RAD51B: variants seen among roughly 807,000 people sequenced by gnomAD.
RAD51B encodes RAD51 paralog B, also known as DNA repair protein RAD51 homolog 2.
Under a neutral mutation model 42.2 loss-of-function variants are expected in RAD51B, and 38 were observed. The observed-to-expected ratio is 0.90, with a 90% CI of 0.70 to 1.18. The LOEUF (loss-of-function observed/expected upper bound fraction) is 1.18. Among genes scored for constraint, RAD51B ranks in the 50% most tolerant of loss-of-function variants. RAD51B has a pLI of 0.00. For synonymous variants in RAD51B, 154 were observed against 145.2 expected, an observed-to-expected ratio of 1.06 and a Z score of -0.43; for missense variants, 373 against 400.7, an observed-to-expected ratio of 0.93 and a Z score of 0.59.
chr14:68,465,947 A>AT (rs199499644), intron 9 of RAD51B, among the ~76,000 whole-genome samples: 3,044 of 58,714 alleles, frequency 0.052, 43 homozygotes, highest in African/African-American at 0.094. Flanking sequence ...TCTCAAAAAA[A>AT]AAAAAAATAA....
chr14:67,852,372 C>T (rs1269017714), intron 4 of RAD51B, among the ~76,000 whole-genome samples: 2 of 152,196 alleles, frequency 1.3e-5, no homozygotes, highest in African/African-American at 4.8e-5. Flanking sequence ...CTCGGGGATC[C>T]AAGGTTGGTG....
At chr14:68,485,545 A>AG (rs1883557830) in intron 10 of RAD51B, among the ~76,000 whole-genome samples, 3 of 152,216 alleles carry the variant, frequency 2.0e-5, no homozygotes, top group South Asian at 4.2e-4. Flanking sequence ...TCAAAAAAAA[A>AG]CAGACATCAG....
At chr14:67,870,352 A>G (rs1183827694) in intron 5 of RAD51B, among the ~76,000 whole-genome samples, 1 of 152,038 alleles carries the variant, frequency 6.6e-6, no homozygotes, top group East Asian at 1.9e-4. Flanking sequence ...CCGTTACATA[A>G]TGGTAAAGGG....
At chr14:68,257,609 A>C (rs555547293) in intron 7 of RAD51B, among the ~76,000 whole-genome samples, 1 of 152,176 alleles carries the variant, frequency 6.6e-6, no homozygotes, top group Non-Finnish European at 1.5e-5. Context: ...AAATGTGTAT[A>C]TATGGAGCAA....
intron 9 of RAD51B, chr14:68,422,345 G>A (rs375817634): frequency 2.3e-5 from 11 of 468,128 alleles, no homozygotes; most frequent in African/African-American, 1.4e-4. Context: ...GGTGGATCAC[G>A]AGGTCAGGAG....
rs183386773 is a variant in RAD51B at position 68,040,647 on chromosome 14, C to G, written c.756+153443C>G. On this transcript the variant is annotated intron_variant, in intron 7 of 10. Transcript: ENST00000471583. Reference sequence around the variant, plus strand: ...ATCAATGTGATAAGCGTTGCTCTCTCTATTCAGTAAATGAAGACACCAAAA... The same window carrying G: ...ATCAATGTGATAAGCGTTGCTCTCTGTATTCAGTAAATGAAGACACCAAAA... Among the ~76,000 whole-genome samples, 402 of 152,324 alleles carry G rather than the reference C, an allele frequency of 2.6e-3. 1 individual carries two copies. Among genetic ancestry groups the G allele is most frequent in the Non-Finnish European group, 4.5e-3 (307 of 68,032 alleles).
intron 10 of RAD51B, among the ~76,000 whole-genome samples, chr14:68,589,311 C>T (rs138880590): frequency 1.1e-4 from 17 of 152,324 alleles, no homozygotes; most frequent in African/African-American, 2.4e-4. Context: ...AAACAGTGAG[C>T]ATAGCCACCC....
intron 10 of RAD51B, among the ~76,000 whole-genome samples, chr14:68,609,028 T>C (rs1377481083): frequency 2.6e-5 from 4 of 152,162 alleles, no homozygotes; most frequent in African/African-American, 9.7e-5. Context: ...GCTGCTGATG[T>C]CCACTCTCTG....
intron 10 of RAD51B, 107 bp downstream of exon 10, chr14:68,468,357 C>A: frequency 8.1e-7 from 1 of 1,229,014 alleles, no homozygotes; most frequent in South Asian, 1.2e-5. Flanking sequence ...CAGACAGAAT[C>A]AAAAACCAAG....
chr14:68,018,863 T>C (rs1447857829), intron 7 of RAD51B, among the ~76,000 whole-genome samples: 1 of 152,124 alleles, frequency 6.6e-6, no homozygotes, highest in Non-Finnish European at 1.5e-5. Flanking sequence ...TAAGCCTAAG[T>C]TCAAAGTCTG....
chr14:68,577,064 C>G (rs956455470), intron 10 of RAD51B, among the ~76,000 whole-genome samples: 3 of 152,152 alleles, frequency 2.0e-5, no homozygotes, highest in South Asian at 2.1e-4. Flanking sequence ...CTTGGATGAA[C>G]AGAAGGTGCT....
intron 4 of RAD51B, among the ~76,000 whole-genome samples, chr14:67,853,661 G>T (rs1256565579): frequency 3.9e-5 from 6 of 152,182 alleles, no homozygotes; most frequent in Non-Finnish European, 4.4e-5. Flanking sequence ...TCTGGTGGGT[G>T]GGTGGGGTAA....
chr14:68,252,772 G>A (rs901337359), intron 7 of RAD51B, among the ~76,000 whole-genome samples: 2 of 152,068 alleles, frequency 1.3e-5, no homozygotes, highest in Admixed American at 1.3e-4. Flanking sequence ...AATGTTATAT[G>A]TTCTTTTTTT....
intron 7 of RAD51B, among the ~76,000 whole-genome samples, chr14:67,902,152 C>G (rs576138201): frequency 6.6e-6 from 1 of 152,026 alleles, no homozygotes; most frequent in Non-Finnish European, 1.5e-5. Context: ...GCCTCAGTAT[C>G]CCTATCTGTA....
chr14:67,965,388 A>T (rs2074751346), intron 7 of RAD51B, among the ~76,000 whole-genome samples: 1 of 128,124 alleles, frequency 7.8e-6, no homozygotes, highest in Non-Finnish European at 1.5e-5. Flanking sequence ...TTCATCTTCC[A>T]TTTCAGTTCT....
chr14:68,060,217 A>G (rs2076546193), intron 7 of RAD51B, among the ~76,000 whole-genome samples: 1 of 152,232 alleles, frequency 6.6e-6, no homozygotes, highest in South Asian at 2.1e-4. Flanking sequence ...ATGTATGCAC[A>G]TGTTCCCATC....
rs190447368 is a variant in RAD51B, at chr14:68,117,730, C to G, written c.757-174154C>G. 1.2e-3 allele frequency among the ~76,000 whole-genome samples: 180 copies of G among 152,234 alleles called. 1 individual carries two copies. Among genetic ancestry groups the G allele is most frequent in the African/African-American group, 4.2e-3 (176 of 41,536 alleles). Reference sequence around the variant, plus strand: ...TGAGTGCCCAGAAATTGCTTTAACACCCTGAGGTGTGACCATAAGGTAATG... The same window carrying G: ...TGAGTGCCCAGAAATTGCTTTAACAGCCTGAGGTGTGACCATAAGGTAATG... On this transcript the variant is annotated intron_variant, in intron 7 of 10. Transcript: ENST00000471583.
chr14:68,104,301 C>T (rs2077340552), intron 7 of RAD51B, among the ~76,000 whole-genome samples: 3 of 152,062 alleles, frequency 2.0e-5, no homozygotes, highest in African/African-American at 7.2e-5. Context: ...TCTATGGAAG[C>T]TTGCAAAGAT....
In RAD51B at chr14:68,376,201, T is replaced by C. The variant is rs557147493; in HGVS notation, c.854-35223T>C. The stretch of plus-strand genomic sequence containing the variant: ...GCAAGTATTTTTCTCTGCTCACATA[T>C]TTGGAGACATGCAGAGCCACTTCAA... On this transcript the variant is annotated intron_variant, in intron 8 of 10. Coordinates refer to ENST00000471583, the MANE Select transcript of RAD51B (RefSeq NM_133510.4). Among the ~76,000 whole-genome samples the C allele has an allele frequency of 7.1e-4, 108 of 152,280 alleles. No homozygotes were observed. In the Middle Eastern group the frequency reaches 0.01, roughly 14 times the overall value.
Sources: gnomAD v4.1 joint callset for allele counts (sites outside exome capture counted in the v4.1 genomes callset) on GRCh38, gnomAD v4.1.1 for gene constraint, MANE v1.5 for transcripts, NCBI Gene and HGNC (gene_info 2026-07-23, HGNC 2026-07-21) for gene names.